Variants in FKBP5 observed in about 807,000 individuals in gnomAD.
FKBP5 encodes FKBP prolyl isomerase 5.
Under a neutral mutation model 50.5 loss-of-function variants are expected in FKBP5, and 23 were observed. The observed-to-expected ratio is 0.46, with a 90% CI of 0.33 to 0.65. FKBP5 has a LOEUF of 0.65. FKBP5 is among the 30% of genes least tolerant of loss of function. The pLI is 0.02. For missense variants in FKBP5, 411 were observed against 553.1 expected, an observed-to-expected ratio of 0.74 and a Z score of 2.58; for synonymous variants, 176 against 190.6, an observed-to-expected ratio of 0.92 and a Z score of 0.63.
chr6:35,618,252 T>C (rs940916354), intron 5 of FKBP5, among the ~76,000 whole-genome samples: 2 of 152,226 alleles, frequency 1.3e-5, no homozygotes, highest in Non-Finnish European at 2.9e-5. Flanking sequence ...AGATTGAGAA[T>C]TTCTTGTGGA....
At chr6:35,698,605 C>T (rs997639916) in intron 2 of FKBP5, among the ~76,000 whole-genome samples, 3 of 151,932 alleles carry the variant, frequency 2.0e-5, no homozygotes, top group Non-Finnish European at 4.4e-5. Flanking sequence ...CAAGATTGCG[C>T]CACTGCATTC....
intron 3 of FKBP5, among the ~76,000 whole-genome samples, chr6:35,635,581 T>C (rs1314914586): frequency 2.0e-5 from 3 of 152,224 alleles, no homozygotes; most frequent in Non-Finnish European, 4.4e-5. Context: ...ACTTGTTTAT[T>C]TGACATATCT....
intron 1 of FKBP5, among the ~76,000 whole-genome samples, chr6:35,673,596 A>C (rs1461381137): frequency 6.6e-6 from 1 of 152,138 alleles, no homozygotes; most frequent in Non-Finnish European, 1.5e-5. Context: ...AATACTATTT[A>C]TGTTTATAAT....
intron 2 of FKBP5, among the ~76,000 whole-genome samples, chr6:35,717,657 G>GACCC (rs1581904383): frequency 6.6e-6 from 1 of 152,370 alleles, no homozygotes; most frequent in East Asian, 1.9e-4. Flanking sequence ...AGTGGGTCTG[G>GACCC]ACATGGCTGT....
At chr6:35,694,719 T>G (rs1157542749) in intron 2 of FKBP5, among the ~76,000 whole-genome samples, 1 of 152,120 alleles carries the variant, frequency 6.6e-6, no homozygotes, top group Non-Finnish European at 1.5e-5. Flanking sequence ...TTAGTGTGTG[T>G]TTTTTACGGT....
chr6:35,711,489 G>C (rs1350929615), intron 2 of FKBP5, among the ~76,000 whole-genome samples: 1 of 151,868 alleles, frequency 6.6e-6, no homozygotes, highest in East Asian at 1.9e-4. Context: ...TTGGTGGCGG[G>C]TGCCTGTAAT....
At chr6:35,720,722 G>C (rs192868176) in intron 1 of FKBP5, among the ~76,000 whole-genome samples, 1 of 152,278 alleles carries the variant, frequency 6.6e-6, no homozygotes, top group Admixed American at 6.5e-5. Context: ...CTCTTTCTCT[G>C]TGCATGTCTT....
At position 35,575,075 on chromosome 6, in the gene FKBP5, A is replaced by G. The variant is rs369430518; in HGVS notation, c.*760T>C. 1 of 152,360 alleles carries G rather than the reference A, an allele frequency of 6.6e-6. No homozygotes were observed. The highest frequency in any genetic ancestry group is 1.9e-4 in the East Asian group (1 of 5,186). 9.4% of individuals were successfully genotyped at this position (152,360 alleles called of 1,614,324 possible). A position where few individuals can be genotyped will look rare whatever the true frequency, so the allele number is the denominator to read the frequency against. On this transcript the variant is annotated 3_prime_UTR_variant, in exon 11 of 11. Transcript: ENST00000357266. ...TCAGTATCTCAGAACTTCATCGAAA[A>G]TAGGAAAAGCTAATCCAGAAACTCT... is the stretch of plus-strand genomic sequence containing the variant.
chr6:35,652,609 A>T (rs1018005948), intron 1 of FKBP5, among the ~76,000 whole-genome samples: 3 of 152,206 alleles, frequency 2.0e-5, no homozygotes, highest in Non-Finnish European at 4.4e-5. Flanking sequence ...AACTTTGGTC[A>T]GACTAGTTGA....
intron 3 of FKBP5, among the ~76,000 whole-genome samples, chr6:35,622,541 G>T (rs748299621): frequency 9.9e-5 from 15 of 151,830 alleles, no homozygotes; most frequent in African/African-American, 3.1e-4. Context: ...AGTAATACAT[G>T]CCTATTATTA....
intron 6 of FKBP5, 71 bp downstream of exon 6, chr6:35,597,177 T>C: frequency 6.5e-7 from 1 of 1,545,456 alleles, no homozygotes; most frequent in Non-Finnish European, 8.8e-7. Flanking sequence ...GCCAAAACAC[T>C]GAATGAAAAA....
At chr6:35,672,484 T>A (rs1289967157) in intron 1 of FKBP5, among the ~76,000 whole-genome samples, 2 of 151,456 alleles carry the variant, frequency 1.3e-5, no homozygotes, top group East Asian at 1.9e-4. Flanking sequence ...TTTTTTTTTT[T>A]AAAGAAATAA....
rs566072462 is a variant in FKBP5, at chr6:35,684,360, T to G, written c.-20+4444A>C. ...CACCTGGCTAACTTTTGTACTTTTG[T>G]AGAGAGGAGGTTTCACCATGTTTCC... is the stretch of plus-strand genomic sequence containing the variant. On this transcript the variant is annotated intron_variant, in intron 1 of 10. Coordinates refer to ENST00000357266, the MANE Select transcript of FKBP5 (RefSeq NM_004117.4). 3.3e-5 allele frequency among the ~76,000 whole-genome samples: 5 copies of G among 152,034 alleles called. No homozygotes were observed. The South Asian group carries it at 1.0e-3, about 32-fold the overall frequency.
chr6:35,681,506 C>T (rs574202044), intron 1 of FKBP5, among the ~76,000 whole-genome samples: 7 of 152,252 alleles, frequency 4.6e-5, no homozygotes, highest in Non-Finnish European at 8.8e-5. Flanking sequence ...TTGTATTTTT[C>T]ATAAATGGCA....
At chr6:35,585,615 T>A in intron 8 of FKBP5, 1 of 970,862 alleles carries the variant, frequency 1.0e-6, no homozygotes, top group Non-Finnish European at 1.2e-6. Flanking sequence ...CATAAGAGTT[T>A]AGTATACATA....
chr6:35,594,213 G>GCAGGAT (rs1184049823), intron 6 of FKBP5, among the ~76,000 whole-genome samples: 1 of 151,946 alleles, frequency 6.6e-6, no homozygotes, highest in African/African-American at 2.4e-5. Flanking sequence ...AATCAGCCAG[G>GCAGGAT]CAGGATGGAG....
chr6:35,587,657 T>TGG (rs990974576), intron 7 of FKBP5, among the ~76,000 whole-genome samples: 1 of 152,196 alleles, frequency 6.6e-6, no homozygotes, highest in Non-Finnish European at 1.5e-5. Flanking sequence ...AGATGTATAC[T>TGG]GGGGGGGACT....
At chr6:35,666,781 C>T (rs1408305982) in intron 1 of FKBP5, among the ~76,000 whole-genome samples, 8 of 152,014 alleles carry the variant, frequency 5.3e-5, no homozygotes, top group East Asian at 1.9e-4. Flanking sequence ...CCCAGCTACT[C>T]GGGAGACTGA....
intron 5 of FKBP5, among the ~76,000 whole-genome samples, chr6:35,609,286 A>G (rs138205327): frequency 1.3e-5 from 2 of 152,302 alleles, no homozygotes; most frequent in East Asian, 3.9e-4. Context: ...ATGAGTCTGC[A>G]AATTCCAAAA....
Sources: gnomAD v4.1 joint callset for allele counts (sites outside exome capture counted in the v4.1 genomes callset) on GRCh38, gnomAD v4.1.1 for gene constraint, MANE v1.5 for transcripts, NCBI Gene and HGNC (gene_info 2026-07-23, HGNC 2026-07-21) for gene names.